Variants in CNTN5 observed in about 807,000 individuals in gnomAD.
The protein encoded by CNTN5 is contactin 5, also known as contactin-5.
A neutral mutation model predicts 129.1 loss-of-function variants in CNTN5; 77 were observed. The ratio of observed to expected loss-of-function variants is 0.60; its 90% confidence interval spans 0.50 to 0.72. The LOEUF (loss-of-function observed/expected upper bound fraction) is 0.72, where lower values mean the gene tolerates loss of function less well. CNTN5 is among the 30% of genes least tolerant of loss of function. The probability of loss-of-function intolerance (pLI) is 0.00; values close to 1 mark genes in which losing one functional copy is unlikely to be tolerated. For synonymous variants in CNTN5, 509 were observed against 465.6 expected, an observed-to-expected ratio of 1.09 and a Z score of -1.20; for missense variants, 1,478 against 1,328.8, an observed-to-expected ratio of 1.11 and a Z score of -1.75.
chr11:99,888,535 G>A (rs375654672), intron 6 of CNTN5, among the ~76,000 whole-genome samples: 1 of 152,140 alleles, frequency 6.6e-6, no homozygotes, highest in Non-Finnish European at 1.5e-5. Flanking sequence ...ACATGGCAGG[G>A]TACCATCGGG....
chr11:100,147,483 A>G (rs1435226529), intron 13 of CNTN5, among the ~76,000 whole-genome samples: 1 of 152,004 alleles, frequency 6.6e-6, no homozygotes, highest in African/African-American at 2.4e-5. Flanking sequence ...TTGCCCCTAT[A>G]AGTTAAACCT....
intron 7 of CNTN5, among the ~76,000 whole-genome samples, chr11:99,942,332 G>A (rs10894180): frequency 0.4 from 60,034 of 151,404 alleles, 12,362 homozygotes; most frequent in African/African-American, 0.48. Context: ...TGGAAAGGGC[G>A]TAGGGAGACC....
intron 3 of CNTN5, among the ~76,000 whole-genome samples, chr11:99,652,751 A>G (rs1304145216): frequency 6.6e-6 from 1 of 152,092 alleles, no homozygotes; most frequent in African/African-American, 2.4e-5. Context: ...TGTATACACT[A>G]TTATATAATC....
chr11:100,089,330 A>G (rs1314306057), intron 13 of CNTN5, among the ~76,000 whole-genome samples: 3 of 152,170 alleles, frequency 2.0e-5, no homozygotes, highest in African/African-American at 4.8e-5. Context: ...CGATCATTAT[A>G]GAAAGGCAAA....
intron 1 of CNTN5, among the ~76,000 whole-genome samples, chr11:99,228,640 G>A (rs1860819662): frequency 6.6e-6 from 1 of 151,846 alleles, no homozygotes; most frequent in Non-Finnish European, 1.5e-5. Context: ...TTAAAAAATA[G>A]CCTTTATGAC....
At chr11:100,127,203 G>T (rs919798548) in intron 13 of CNTN5, among the ~76,000 whole-genome samples, 1 of 147,648 alleles carries the variant, frequency 6.8e-6, no homozygotes, top group Non-Finnish European at 1.5e-5. Flanking sequence ...GCCTCCCAAA[G>T]TGCTGGGATT....
At chr11:99,407,492 C>T (rs541587889) in intron 2 of CNTN5, among the ~76,000 whole-genome samples, 2 of 152,232 alleles carry the variant, frequency 1.3e-5, no homozygotes, top group Admixed American at 6.5e-5. Context: ...GGGTCTCTTT[C>T]GGAGCCGTGA....
At chr11:99,860,591 A>G (rs565908488) in intron 6 of CNTN5, among the ~76,000 whole-genome samples, 4 of 152,114 alleles carry the variant, frequency 2.6e-5, no homozygotes, top group South Asian at 2.1e-4. Flanking sequence ...AATTTTGTCA[A>G]CTTTGTTGAA....
chr11:99,862,388 C>T (rs542722740), intron 6 of CNTN5, among the ~76,000 whole-genome samples: 164 of 151,776 alleles, frequency 1.1e-3, no homozygotes, highest in Non-Finnish European at 1.8e-3. Flanking sequence ...TGGATTCTGA[C>T]ATGGAGACAA....
intron 1 of CNTN5, among the ~76,000 whole-genome samples, chr11:99,128,523 C>T (rs1470802007): frequency 6.6e-6 from 1 of 152,148 alleles, no homozygotes; most frequent in Non-Finnish European, 1.5e-5. Context: ...GAGGAGCGGC[C>T]AAGGTGTCAA....
chr11:99,616,619 G>A (rs982791267), intron 3 of CNTN5, among the ~76,000 whole-genome samples: 1 of 152,150 alleles, frequency 6.6e-6, no homozygotes, highest in African/African-American at 2.4e-5. Context: ...TTATATAGCA[G>A]TATAAGAGTT....
At chr11:99,855,996 A>G (rs1262226246) in intron 6 of CNTN5, among the ~76,000 whole-genome samples, 1 of 152,182 alleles carries the variant, frequency 6.6e-6, no homozygotes, top group East Asian at 1.9e-4. Context: ...AAGTCTCATG[A>G]TGGTTAGGCT....
At chr11:99,648,149 G>A (rs184076730) in intron 3 of CNTN5, among the ~76,000 whole-genome samples, 65 of 151,978 alleles carry the variant, frequency 4.3e-4, no homozygotes, top group African/African-American at 1.5e-3. Flanking sequence ...TTGAATTTTA[G>A]TAAATGCTGT....
intron 3 of CNTN5, among the ~76,000 whole-genome samples, chr11:99,658,050 A>C (rs759975545): frequency 2.0e-5 from 3 of 152,050 alleles, no homozygotes; most frequent in African/African-American, 7.2e-5. Flanking sequence ...TGAATCTTTA[A>C]GTTGTATCAA....
At position 99,589,634 on chromosome 11, in the gene CNTN5, T is replaced by C. The variant is rs557953407; in HGVS notation, c.55+33365T>C. 9.8e-5 allele frequency among the ~76,000 whole-genome samples: 15 copies of C among 152,316 alleles called. No homozygotes were observed. In the South Asian group the frequency reaches 2.5e-3, roughly 25 times the overall value. On this transcript the variant is annotated intron_variant, in intron 3 of 24. Coordinates refer to ENST00000524871, the MANE Select transcript of CNTN5 (RefSeq NM_014361.4). ...TATTTAGAAAGTATATTGATGTTCA[T>C]AAATCATTATGCTTTAAATATATTT...
rs570988223 is a variant in CNTN5, at chr11:100,255,119, T to C, written c.2006-641T>C. On this transcript the variant is annotated intron_variant, in intron 16 of 24. Transcript: ENST00000524871. ...CCTTTATTCACTACCTCCCCACTCC[T>C]ACCAAGGAAAAAAGGAAGCTAATCA... Among the ~76,000 whole-genome samples the C allele has an allele frequency of 8.5e-5, 13 of 152,262 alleles. No homozygotes were observed. The South Asian group carries it at 2.7e-3, about 32-fold the overall frequency.
At chr11:100,134,985 C>G (rs909893494) in intron 13 of CNTN5, among the ~76,000 whole-genome samples, 1 of 151,950 alleles carries the variant, frequency 6.6e-6, no homozygotes, top group African/African-American at 2.4e-5. Flanking sequence ...GTAGATAACT[C>G]TCAGTATATA....
intron 3 of CNTN5, among the ~76,000 whole-genome samples, chr11:99,561,828 T>G (rs1046407632): frequency 1.2e-5 from 1 of 81,996 alleles, no homozygotes; most frequent in African/African-American, 4.3e-5. Context: ...GTATATTGGA[T>G]AGGATCTCAT....
At chr11:99,439,194 A>G (rs2135139197) in intron 2 of CNTN5, among the ~76,000 whole-genome samples, 1 of 151,758 alleles carries the variant, frequency 6.6e-6, no homozygotes, top group Middle Eastern at 3.4e-3. Flanking sequence ...CAAGGAACTT[A>G]ATGTCCAGTA....
Sources: allele counts gnomAD v4.1 joint callset (sites outside exome capture counted in the v4.1 genomes callset), GRCh38; gene constraint gnomAD v4.1.1; transcripts MANE v1.5; gene names NCBI Gene and HGNC (gene_info 2026-07-23, HGNC 2026-07-21).